The following UBE3C variants were observed in gnomAD, a reference collection of about 807,000 sequenced individuals.
UBE3C encodes the protein ubiquitin-protein ligase E3C.
UBE3C carries 42 observed loss-of-function variants against 129.4 expected under a neutral mutation model. The observed-to-expected ratio is 0.32, with a 90% CI of 0.25 to 0.42. The LOEUF is 0.42. UBE3C is among the 10% of genes least tolerant of loss of function. The probability of loss-of-function intolerance (pLI) is 1.00; values close to 1 mark genes in which losing one functional copy is unlikely to be tolerated. For missense variants in UBE3C, 1,049 were observed against 1,319.1 expected, an observed-to-expected ratio of 0.80 and a Z score of 3.17; for synonymous variants, 510 against 492.4, an observed-to-expected ratio of 1.04 and a Z score of -0.47.
chr7:157,233,397 G>A (rs1290722325), intron 18 of UBE3C, among the ~76,000 whole-genome samples: 1 of 151,936 alleles, frequency 6.6e-6, no homozygotes, highest in Non-Finnish European at 1.5e-5. Context: ...CCTGCTTTCA[G>A]CCTCCCGAGT....
At chr7:157,251,097 T>C (rs1796610614) in intron 19 of UBE3C, among the ~76,000 whole-genome samples, 1 of 152,074 alleles carries the variant, frequency 6.6e-6, no homozygotes, top group East Asian at 1.9e-4. Flanking sequence ...ATGAGAAAAA[T>C]TAAGAAATTC....
intron 12 of UBE3C, 61 bp from the exon 13 acceptor site, chr7:157,207,642 C>T (rs1187328519): frequency 1.3e-6 from 2 of 1,591,776 alleles, no homozygotes; most frequent in Middle Eastern, 1.7e-4. Context: ...CTTTTTAAGT[C>T]TTTCAGTGTG....
intron 10 of UBE3C, chr7:157,198,339 C>G (rs1809180967): frequency 6.3e-6 from 5 of 792,520 alleles, no homozygotes; most frequent in African/African-American, 1.7e-5. Context: ...ACTTCATCTT[C>G]ATACAGTTCT....
chr7:157,145,878 G>T (rs1213838939), intron 1 of UBE3C, among the ~76,000 whole-genome samples: 1 of 152,078 alleles, frequency 6.6e-6, no homozygotes, highest in Non-Finnish European at 1.5e-5. Context: ...TCTTGTATCT[G>T]TGTGGTACAT....
chr7:157,240,894 T>C (rs940605659), intron 18 of UBE3C, among the ~76,000 whole-genome samples: 7 of 152,170 alleles, frequency 4.6e-5, no homozygotes, highest in Admixed American at 2.0e-4. Context: ...CAGTCAACTG[T>C]GTGCTACAGA....
At chr7:157,256,029 G>A (rs1796742826) in intron 21 of UBE3C, among the ~76,000 whole-genome samples, 1 of 152,208 alleles carries the variant, frequency 6.6e-6, no homozygotes, top group Admixed American at 6.5e-5. Flanking sequence ...CGTCTGTTCA[G>A]CGGCGGCTTT....
chr7:157,253,376 C>T lies in UBE3C; in HGVS notation c.2695-578C>T, dbSNP rs565655493. ...CCTGCAAATTCTGTGAGTATAGCCA[C>T]GTACTAATAAAAAGTGTTCTTACTC... On this transcript the variant is annotated intron_variant, in intron 19 of 22. Coordinates refer to ENST00000348165, the MANE Select transcript of UBE3C (RefSeq NM_014671.3). Among the ~76,000 whole-genome samples, 48 of 152,264 alleles carry T rather than the reference C, an allele frequency of 3.2e-4. 1 individual carries two copies. In the South Asian group the frequency reaches 5.6e-3, roughly 18 times the overall value.
At position 157,182,194 on chromosome 7, in the gene UBE3C, C is replaced by G. The variant is rs376556506; in HGVS notation, c.857C>G (p.Ala286Gly). ...TTTCATTTCATCATTCCGGCGCTTGCAGATGCGCAGACCGTTTTCCCTTAC... is the reference window on the plus strand; with the variant it reads ...TTTCATTTCATCATTCCGGCGCTTGGAGATGCGCAGACCGTTTTCCCTTAC... Reference protein sequence around the residue: ...QIFHFIIPALADAQTVFPYEP... With the variant: ...QIFHFIIPALGDAQTVFPYEP... Residue 286 changes from alanine (A) to glycine (G), a missense_variant, in exon 8 of 23, where the codon GCA becomes GGA. Coordinates refer to ENST00000348165, the MANE Select transcript of UBE3C (RefSeq NM_014671.3). 16 of 1,613,944 alleles carry G rather than the reference C, an allele frequency of 9.9e-6. No homozygotes were observed. The highest frequency in any genetic ancestry group is 1.4e-5 in the Non-Finnish European group (16 of 1,179,988).
chr7:157,189,872 C>CT (rs1808908324), intron 10 of UBE3C, among the ~76,000 whole-genome samples: 1 of 152,154 alleles, frequency 6.6e-6, no homozygotes, highest in African/African-American at 2.4e-5. Flanking sequence ...GTGAACTCGG[C>CT]TCACTGCAAC....
At chr7:157,231,821 T>A (rs993451288) in intron 18 of UBE3C, 3 of 160,474 alleles carry the variant, frequency 1.9e-5, no homozygotes, top group African/African-American at 7.2e-5. Flanking sequence ...GTTTCAGGTC[T>A]TCTGTTATAA....
intron 18 of UBE3C, among the ~76,000 whole-genome samples, chr7:157,234,756 G>T (rs1228108008): frequency 6.6e-6 from 1 of 152,152 alleles, no homozygotes. Context: ...CAGATTTCAG[G>T]TGTTGATTTG....
intron 9 of UBE3C, among the ~76,000 whole-genome samples, chr7:157,185,959 CATTCATATATATAT>C (rs924870919): frequency 3.3e-5 from 5 of 152,012 alleles, no homozygotes; most frequent in Admixed American, 6.6e-5. Context: ...TATATATTCA[CATTCATATATATAT>C]ATTCATATAT....
At chr7:157,264,088 C>G (rs1027227905) in intron 22 of UBE3C, among the ~76,000 whole-genome samples, 2 of 151,052 alleles carry the variant, frequency 1.3e-5, no homozygotes, top group Non-Finnish European at 3.0e-5. Context: ...CACACACACA[C>G]CTGGTATTAC....
intron 22 of UBE3C, among the ~76,000 whole-genome samples, chr7:157,265,590 C>T (rs371181663): frequency 3.6e-4 from 55 of 152,270 alleles, no homozygotes; most frequent in African/African-American, 1.1e-3. Context: ...CGTCGTGCCG[C>T]GCGTGTGCAT....
At chr7:157,201,698 GT>G in intron 10 of UBE3C, 22 bp from the exon 11 acceptor site, 3 of 805,946 alleles carry the variant, frequency 3.7e-6, no homozygotes, top group South Asian at 3.7e-5. Flanking sequence ...ACTGTTCTGT[GT>G]TTTTCTCCTA....
chr7:157,149,512 C>T (rs1487242852), intron 1 of UBE3C, among the ~76,000 whole-genome samples: 1 of 152,142 alleles, frequency 6.6e-6, no homozygotes, highest in African/African-American at 2.4e-5. Context: ...GGCACTTACT[C>T]TCAGGTTCAT....
At chr7:157,238,303 C>CCTGTGTTG (rs1198718866) in intron 18 of UBE3C, among the ~76,000 whole-genome samples, 2 of 151,996 alleles carry the variant, frequency 1.3e-5, no homozygotes, top group Non-Finnish European at 2.9e-5. Context: ...CAGAATCCGG[C>CCTGTGTTG]CTGTGTTGTC....
At chr7:157,159,869 A>T (rs1171929084) in intron 1 of UBE3C, among the ~76,000 whole-genome samples, 4 of 152,226 alleles carry the variant, frequency 2.6e-5, no homozygotes, top group Non-Finnish European at 5.9e-5. Context: ...CAGACATGTA[A>T]ATCAGAATTC....
At chr7:157,225,374 T>C in intron 16 of UBE3C, 33 bp from the exon 17 acceptor site, 2 of 1,571,742 alleles carry the variant, frequency 1.3e-6, no homozygotes, top group South Asian at 1.2e-5. Context: ...GTCTTTTGTT[T>C]CTAATAACCT....
Sources: allele counts gnomAD v4.1 joint callset (sites outside exome capture counted in the v4.1 genomes callset), GRCh38; gene constraint gnomAD v4.1.1; transcripts MANE v1.5; gene names NCBI Gene and HGNC (gene_info 2026-07-23, HGNC 2026-07-21).